VPS41: variants seen among roughly 807,000 people sequenced by gnomAD.
The protein encoded by VPS41 is vacuolar protein sorting-associated protein 41 homolog.
Under a neutral mutation model 130.9 loss-of-function variants are expected in VPS41, and 85 were observed. That is an observed-to-expected ratio of 0.65 (90% CI 0.55 to 0.78). The LOEUF (loss-of-function observed/expected upper bound fraction) is 0.78. VPS41 is among the 30% of genes least tolerant of loss of function. VPS41 has a pLI of 0.00. For synonymous variants in VPS41, 335 were observed against 332.9 expected, an observed-to-expected ratio of 1.01 and a Z score of -0.07; for missense variants, 874 against 1,018.7, an observed-to-expected ratio of 0.86 and a Z score of 1.93.
intron 2 of VPS41, among the ~76,000 whole-genome samples, chr7:38,896,187 A>G (rs747372557): frequency 2.0e-5 from 3 of 152,190 alleles, no homozygotes; most frequent in Admixed American, 6.5e-5. Context: ...TCACCTGCAA[A>G]ATGAAATTCC....
At chr7:38,867,148 G>A (rs1375692486) in intron 3 of VPS41, among the ~76,000 whole-genome samples, 4 of 152,302 alleles carry the variant, frequency 2.6e-5, no homozygotes, top group South Asian at 2.1e-4. Context: ...CTGGTTACTT[G>A]GAGGTAGCAT....
chr7:38,839,173 C>T (rs747379544), intron 4 of VPS41, among the ~76,000 whole-genome samples: 9 of 152,176 alleles, frequency 5.9e-5, no homozygotes, highest in African/African-American at 1.9e-4. Context: ...TTAGCAAGCA[C>T]GCCACACTTA....
At chr7:38,853,204 G>A (rs1785897336) in intron 4 of VPS41, among the ~76,000 whole-genome samples, 1 of 152,114 alleles carries the variant, frequency 6.6e-6, no homozygotes, top group Non-Finnish European at 1.5e-5. Context: ...CGGATCACAA[G>A]ATCAGGAGAT....
chr7:38,810,268 T>G (rs894489149), intron 7 of VPS41, among the ~76,000 whole-genome samples: 5 of 152,200 alleles, frequency 3.3e-5, no homozygotes, highest in African/African-American at 1.2e-4. Context: ...AGCCTCCTAG[T>G]CCTAGTCCCT....
chr7:38,846,215 T>G (rs1785720507), intron 4 of VPS41, among the ~76,000 whole-genome samples: 1 of 152,234 alleles, frequency 6.6e-6, no homozygotes, highest in South Asian at 2.1e-4. Context: ...CACAACTCTA[T>G]TTTATACTTC....
intron 4 of VPS41, among the ~76,000 whole-genome samples, chr7:38,855,318 A>C (rs1004041851): frequency 7.9e-5 from 12 of 152,276 alleles, no homozygotes; most frequent in African/African-American, 2.9e-4. Context: ...AGAGGAGAGA[A>C]GGAAAATGAT....
In VPS41 at chr7:38,869,690, A is replaced by G. The variant is rs528254406; in HGVS notation, c.61-437T>C. On this transcript the variant is annotated intron_variant, in intron 2 of 28. Transcript: ENST00000310301. ...TATTTTACTTCAATAAGTAATAGGAAACAAAAAGTTTACATATGGAGAACT... is the reference window on the plus strand; with the variant it reads ...TATTTTACTTCAATAAGTAATAGGAGACAAAAAGTTTACATATGGAGAACT... Among the ~76,000 whole-genome samples, 17 of 152,310 alleles carry G rather than the reference A, an allele frequency of 1.1e-4. No homozygotes were observed. The East Asian group carries it at 3.1e-3, about 28-fold the overall frequency.
chr7:38,767,678 T>C (rs1021317839), intron 14 of VPS41, 80 bp from the exon 15 acceptor site: 1 of 1,000,880 alleles, frequency 1.0e-6, no homozygotes, highest in African/African-American at 1.6e-5. Context: ...GCACAGGGCA[T>C]AACATTAGGG....
chr7:38,789,857 A>G lies in VPS41; in HGVS notation c.728T>C (p.Val243Ala). ...CATTTCACTGGCATGCCGTTCCTTC[A>G]CTGAGCACACCTGGAAAATAAGTTC... The part of the protein sequence containing the change: ...GWGTSVKVCS[V>A]KERHASEMRD... The change falls in exon 10 of 29, where the codon GTG (valine) becomes GCG (alanine). Residue 243 changes from valine to alanine, a missense_variant. Physicochemically the swap from Val to Ala is moderately conservative, Grantham distance 64 (BLOSUM62 0). Transcript: ENST00000310301. 1.2e-6 allele frequency: 2 copies of G among 1,613,742 alleles called. No homozygotes were observed. Among genetic ancestry groups the G allele is most frequent in the Non-Finnish European group, 1.7e-6 (2 of 1,179,706 alleles).
intron 5 of VPS41, among the ~76,000 whole-genome samples, chr7:38,826,688 A>G (rs532024548): frequency 2.6e-5 from 4 of 152,342 alleles, no homozygotes; most frequent in African/African-American, 9.6e-5. Flanking sequence ...AGAGAGAGGT[A>G]TAAATAACTT....
intron 7 of VPS41, among the ~76,000 whole-genome samples, chr7:38,815,605 A>T (rs1480141066): frequency 6.6e-6 from 1 of 152,120 alleles, no homozygotes; most frequent in African/African-American, 2.4e-5. Context: ...GTGCTGCCCA[A>T]AGGAGATTAA....
At chr7:38,819,013 A>C (rs1330719947) in intron 6 of VPS41, among the ~76,000 whole-genome samples, 2 of 152,210 alleles carry the variant, frequency 1.3e-5, no homozygotes, top group Non-Finnish European at 2.9e-5. Context: ...ACCAGTAGTG[A>C]AGGATTCACA....
chr7:38,796,856 C>A lies in VPS41; in HGVS notation c.459G>T (p.Leu153=), dbSNP rs771461728. ...QFVTGGKKLL[L]FERSWMNRWK... ...ATCTGTTCATCCAAGACCGTTCAAA[C>A]AGTAGCAGCTAGGGACAAAAAGCAT... The change falls in exon 8 of 29, where the codon CTG becomes CTT. Residue 153 remains leucine (L), a synonymous_variant. Coordinates refer to ENST00000310301, the MANE Select transcript of VPS41 (RefSeq NM_014396.4). The A allele has an allele frequency of 1.4e-5, 22 of 1,613,876 alleles. 2 individuals carry two copies. The South Asian group carries it at 2.2e-4, about 16-fold the overall frequency.
chr7:38,789,522 G>A (rs1293658821), intron 10 of VPS41, among the ~76,000 whole-genome samples: 3 of 152,088 alleles, frequency 2.0e-5, no homozygotes, highest in African/African-American at 7.2e-5. Flanking sequence ...CTGGAGAGGT[G>A]GGTAGGGGCC....
intron 11 of VPS41, 26 bp from the exon 12 acceptor site, chr7:38,774,270 T>TA (rs1350381369): frequency 6.4e-7 from 1 of 1,551,912 alleles, no homozygotes; most frequent in East Asian, 2.3e-5. Flanking sequence ...AGAGAAACAT[T>TA]AATTTAAATT....
intron 10 of VPS41, among the ~76,000 whole-genome samples, chr7:38,788,332 T>C (rs546149950): frequency 2.5e-4 from 38 of 152,340 alleles, no homozygotes; most frequent in Non-Finnish European, 4.0e-4. Flanking sequence ...AGTAAGATCC[T>C]GGACAAGTCA....
chr7:38,741,832 TA>T (rs1431473811), intron 25 of VPS41, 152 bp downstream of exon 25: 1 of 830,610 alleles, frequency 1.2e-6, no homozygotes, highest in East Asian at 2.7e-5. Context: ...CTAATTACTC[TA>T]TTTGAACAGT....
chr7:38,811,390 T>C lies in VPS41; in HGVS notation c.450+6427A>G, dbSNP rs75419603. The stretch of plus-strand genomic sequence containing the variant: ...AGTTTATCAAGAAAATGGTACTTTT[T>C]AGTACTTAGTAAATACATATTTACA... On this transcript the variant is annotated intron_variant, in intron 7 of 28. Transcript: ENST00000310301. 5.3e-4 allele frequency among the ~76,000 whole-genome samples: 81 copies of C among 152,186 alleles called. 2 individuals carry two copies. The East Asian group carries it at 0.015, about 29-fold the overall frequency.
At chr7:38,754,169 T>C (rs1417846537) in intron 21 of VPS41, among the ~76,000 whole-genome samples, 2 of 152,192 alleles carry the variant, frequency 1.3e-5, no homozygotes, top group African/African-American at 2.4e-5. Context: ...GAATTAGCTA[T>C]TGTCATGGTG....
Sources: allele counts gnomAD v4.1 joint callset (sites outside exome capture counted in the v4.1 genomes callset), GRCh38; gene constraint gnomAD v4.1.1; transcripts MANE v1.5; gene names NCBI Gene and HGNC (gene_info 2026-07-23, HGNC 2026-07-21).